The following RBM45 variants were observed in gnomAD, a reference collection of about 807,000 sequenced individuals.
The protein encoded by RBM45 is RNA binding motif protein 45, also known as RNA-binding protein 45.
A neutral mutation model predicts 58.5 loss-of-function variants in RBM45; 39 were observed. The observed-to-expected ratio is 0.67, with a 90% CI of 0.52 to 0.87. The LOEUF (loss-of-function observed/expected upper bound fraction) is 0.87, where lower values mean the gene tolerates loss of function less well. RBM45 is among the 40% of genes least tolerant of loss of function. The pLI is 0.00. For missense variants in RBM45, 481 were observed against 581.6 expected, an observed-to-expected ratio of 0.83 and a Z score of 1.78; for synonymous variants, 193 against 203.0, an observed-to-expected ratio of 0.95 and a Z score of 0.42.
chr2:178,115,578 CTG>C (rs2087760476), intron 1 of RBM45, among the ~76,000 whole-genome samples: 2 of 152,110 alleles, frequency 1.3e-5, no homozygotes, highest in South Asian at 2.1e-4. Flanking sequence ...GTCTCTAACA[CTG>C]TGGTTTTCTT....
intron 3 of RBM45, among the ~76,000 whole-genome samples, chr2:178,135,901 G>A (rs2088041276): frequency 6.6e-6 from 1 of 152,166 alleles, no homozygotes. Flanking sequence ...CTTAGGTTAA[G>A]GTTAGTGGAA....
intron 3 of RBM45, among the ~76,000 whole-genome samples, chr2:178,134,767 G>A (rs879437203): frequency 1.3e-5 from 2 of 152,062 alleles, no homozygotes; most frequent in East Asian, 1.9e-4. Flanking sequence ...TGAGGTGGGC[G>A]GATCACTTGA....
At chr2:178,133,510 G>A (rs1196306269), downstream of RBM45, among the ~76,000 whole-genome samples, 1 of 152,214 alleles carries the variant, frequency 6.6e-6, no homozygotes, top group Admixed American at 6.5e-5. Context: ...GTGTATGTGA[G>A]TGTTCTTATA....
chr2:178,137,443 A>G (rs1409575826), exon 4 of RBM45: 1 of 152,238 alleles, frequency 6.6e-6, no homozygotes, highest in Non-Finnish European at 1.5e-5. Flanking sequence ...TCTTGGTATT[A>G]TTCATAGTAG....
exon 4 of RBM45, chr2:178,137,066 A>AT (rs1325439655): frequency 1.3e-5 from 2 of 152,174 alleles, no homozygotes; most frequent in Non-Finnish European, 2.9e-5. Flanking sequence ...TAGTGGATAG[A>AT]TTCATTTTGT....
In RBM45 at chr2:178,124,143, C is replaced by T; in HGVS notation, c.1085C>T (p.Ser362Phe). The T allele has an allele frequency of 6.3e-7, 1 of 1,590,668 alleles. No homozygotes were observed. The highest frequency in any genetic ancestry group is 1.4e-5 in the African/African-American group (1 of 73,262). ...QQQFMQFGGSSGSQLPQIQTD... is the reference protein window; with the variant it reads ...QQQFMQFGGSFGSQLPQIQTD... The stretch of plus-strand genomic sequence containing the variant: ...TGTTAACAGCAATTTGGAGGAAGCT[C>T]TGGATCACAGTTGCCTCAAATCCAG... Residue 362 changes from serine to phenylalanine, a missense_variant, in exon 8 of 10, where the codon TCT (serine) becomes TTT (phenylalanine). Coordinates refer to ENST00000286070, the MANE Select transcript of RBM45 (RefSeq NM_152945.4).
At chr2:178,120,220 G>T in intron 3 of RBM45, 67 bp from the exon 4 acceptor site, 1 of 1,595,552 alleles carries the variant, frequency 6.3e-7, no homozygotes. Context: ...TCAGGCACTA[G>T]CAATCAAGTA....
At position 178,118,199 on chromosome 2, in the gene RBM45, A is replaced by G. The variant is rs1254179891; in HGVS notation, c.550+18A>G. 4 of 1,577,984 alleles carry G rather than the reference A, an allele frequency of 2.5e-6. No homozygotes were observed. The South Asian group carries it at 3.5e-5, about 14-fold the overall frequency. ...TGATCGAAGTAAGGATGTGTTTAAC[A>G]TTGTTAAAAACTTTTGTAAAAAATT... On this transcript the variant is annotated intron_variant, in intron 3 of 9. Coordinates refer to ENST00000286070, the MANE Select transcript of RBM45 (RefSeq NM_152945.4).
chr2:178,125,107 A>C (rs542557735), intron 8 of RBM45, among the ~76,000 whole-genome samples: 71 of 152,290 alleles, frequency 4.7e-4, no homozygotes, highest in Non-Finnish European at 9.6e-4. Context: ...ATAATGTGAT[A>C]GTATATTGAG....
chr2:178,134,584 T>A (rs371803499), downstream of RBM45, among the ~76,000 whole-genome samples: 1 of 152,008 alleles, frequency 6.6e-6, no homozygotes, highest in South Asian at 2.1e-4. Flanking sequence ...TTTTTTGTTG[T>A]TTTTTTATGC....
At chr2:178,113,660 G>A (rs2087733890) in intron 1 of RBM45, among the ~76,000 whole-genome samples, 1 of 152,138 alleles carries the variant, frequency 6.6e-6, no homozygotes, top group Non-Finnish European at 1.5e-5. Context: ...CACAGGGTAA[G>A]CCCTCAATAA....
At chr2:178,120,744 G>A (rs753389777) in intron 4 of RBM45, among the ~76,000 whole-genome samples, 11 of 152,068 alleles carry the variant, frequency 7.2e-5, no homozygotes, top group Non-Finnish European at 1.0e-4. Context: ...GATCCTCTCC[G>A]TATGAGTCCT....
intron 5 of RBM45, among the ~76,000 whole-genome samples, chr2:178,122,481 C>G (rs1344759443): frequency 2.0e-5 from 3 of 152,150 alleles, no homozygotes; most frequent in Non-Finnish European, 4.4e-5. Context: ...TGTCTTTGAG[C>G]CATCCCCAGT....
In RBM45 at chr2:178,124,160, C is replaced by G; in HGVS notation, c.1102C>G (p.Gln368Glu). 1 of 1,600,368 alleles carries G rather than the reference C, an allele frequency of 6.2e-7. No homozygotes were observed. The highest frequency in any genetic ancestry group is 1.4e-5 in the African/African-American group (1 of 73,968). The change falls in exon 8 of 10, where the codon CAA becomes GAA. Residue 368 changes from glutamine to glutamate, a missense_variant. Physicochemically the swap from Gln to Glu is conservative, Grantham distance 29 (BLOSUM62 2). Coordinates refer to ENST00000286070, the MANE Select transcript of RBM45 (RefSeq NM_152945.4). ...AGGAAGCTCTGGATCACAGTTGCCT[C>G]AAATCCAGACAGATGTTGTACTTCC... ...FGGSSGSQLP[Q>E]IQTDVVLPSC...
rs778656559 is a variant in RBM45, at chr2:178,112,839, C to G, written c.293C>G (p.Pro98Arg). Residue 98 changes from proline to arginine, a missense_variant, in exon 1 of 10, where the codon CCC (proline) becomes CGC (arginine). By Grantham distance (103) the Pro-to-Arg change is moderately radical. Transcript: ENST00000286070. The part of the protein sequence containing the change: ...GQCLGPNDTK[P>R]IKVFIAQSRS... ...TGCCTCGGCCCCAACGACACCAAGCCCATCAAGGTGCGGGTGCCCGGGTCG... is the reference window on the plus strand; with the variant it reads ...TGCCTCGGCCCCAACGACACCAAGCGCATCAAGGTGCGGGTGCCCGGGTCG... 5 of 1,603,282 alleles carry G rather than the reference C, an allele frequency of 3.1e-6. No homozygotes were observed. The East Asian group carries it at 1.1e-4, about 36-fold the overall frequency.
intron 4 of RBM45, 71 bp downstream of exon 4, chr2:178,120,480 C>T: frequency 7.3e-7 from 1 of 1,366,956 alleles, no homozygotes; most frequent in Non-Finnish European, 9.9e-7. Context: ...TTAAAGAATA[C>T]TCTGTTATTG....
chr2:178,121,398 A>ATG (rs1434186257), intron 5 of RBM45, 39 bp downstream of exon 5: 1 of 537,972 alleles, frequency 1.9e-6, no homozygotes, highest in East Asian at 4.1e-5. Flanking sequence ...ATATATATGT[A>ATG]TATATACACA....
chr2:178,129,374 CTTGTG>C lies in RBM45; in HGVS notation c.*9-15_*9-11del, dbSNP rs1201090427. ...TTCCTTTCAGGTGATGATTTTCATA[CTTGTG>C]TTGTGTTCTTTCTACAGAACAAAGA... On this transcript the variant is annotated intron_variant, in intron 9 of 9. Coordinates refer to ENST00000286070, the MANE Select transcript of RBM45 (RefSeq NM_152945.4). The C allele has an allele frequency of 1.3e-5, 2 of 152,564 alleles. No homozygotes were observed. The highest frequency in any genetic ancestry group is 6.5e-5 in the Admixed American group (1 of 15,282). 9.5% of individuals were successfully genotyped at this position (152,564 alleles called of 1,614,324 possible).
At chr2:178,137,877 A>T (rs7588106) in exon 4 of RBM45, 1 of 152,212 alleles carries the variant, frequency 6.6e-6, no homozygotes, top group South Asian at 2.1e-4. Flanking sequence ...TGAGAGAAGA[A>T]CAATGTCCTG....
Sources: allele counts gnomAD v4.1 joint callset (sites outside exome capture counted in the v4.1 genomes callset), GRCh38; gene constraint gnomAD v4.1.1; transcripts MANE v1.5; gene names NCBI Gene and HGNC (gene_info 2026-07-23, HGNC 2026-07-21).